SCD5: variants seen among roughly 807,000 people sequenced by gnomAD.
SCD5 encodes stearoyl-CoA desaturase 5, also known as acyl-CoA-desaturase 4.
SCD5 carries 20 observed loss-of-function variants against 30.4 expected under a neutral mutation model. The ratio of observed to expected loss-of-function variants is 0.66; its 90% CI spans 0.46 to 0.96. SCD5 has a LOEUF of 0.96. Ranked by LOEUF, SCD5 falls within the 40% of genes least tolerant of loss-of-function variation. The pLI is 0.00. For synonymous variants in SCD5, 173 were observed against 176.4 expected (o/e 0.98, Z 0.16); for missense variants, 381 against 443.3 (o/e 0.86, Z 1.26).
intron 2 of SCD5, among the ~76,000 whole-genome samples, chr4:82,695,041 C>T (rs532915075): frequency 2.3e-4 from 30 of 129,340 alleles, no homozygotes; most frequent in Non-Finnish European, 3.7e-4. Flanking sequence ...TTGCAGCAGG[C>T]GTCTGAAGTG....
intron 1 of SCD5, among the ~76,000 whole-genome samples, chr4:82,731,690 G>A (rs1331329561): frequency 1.3e-5 from 2 of 152,172 alleles, no homozygotes; most frequent in African/African-American, 4.8e-5. Flanking sequence ...TATGAGGATG[G>A]ATTCTAGAGT....
At chr4:82,770,000 T>C (rs1420013026) in intron 1 of SCD5, among the ~76,000 whole-genome samples, 1 of 152,190 alleles carries the variant, frequency 6.6e-6, no homozygotes, top group East Asian at 1.9e-4. Flanking sequence ...CCCACACCCT[T>C]TCTGTAAACT....
intron 1 of SCD5, among the ~76,000 whole-genome samples, chr4:82,741,868 G>GGCA (rs1232443320): frequency 6.6e-6 from 1 of 150,750 alleles, no homozygotes; most frequent in Non-Finnish European, 1.5e-5. Context: ...GGGGGGAGTG[G>GGCA]GCAGATAGGT....
intron 4 of SCD5, among the ~76,000 whole-genome samples, chr4:82,633,119 G>T (rs543528316): frequency 3.3e-5 from 5 of 152,248 alleles, no homozygotes; most frequent in Non-Finnish European, 7.4e-5. Context: ...CTGAAAATTT[G>T]TACCCTTTGA....
chr4:82,745,212 G>A (rs1720955170), intron 1 of SCD5, among the ~76,000 whole-genome samples: 2 of 152,128 alleles, frequency 1.3e-5, no homozygotes, highest in South Asian at 2.1e-4. Context: ...TGTCTGATCC[G>A]GTGACTACAT....
chr4:82,782,391 T>C (rs1348953203), intron 1 of SCD5, among the ~76,000 whole-genome samples: 1 of 152,070 alleles, frequency 6.6e-6, no homozygotes, highest in Non-Finnish European at 1.5e-5. Flanking sequence ...AGTGTGCTTG[T>C]CCGGTTCTGG....
intron 3 of SCD5, among the ~76,000 whole-genome samples, chr4:82,679,060 G>A (rs1449993327): frequency 3.3e-5 from 5 of 151,468 alleles, no homozygotes; most frequent in African/African-American, 7.3e-5. Context: ...TTAGCCGGGC[G>A]TGGTGGTGCA....
intron 3 of SCD5, among the ~76,000 whole-genome samples, chr4:82,677,361 G>A (rs1343034403): frequency 1.3e-5 from 2 of 152,196 alleles, no homozygotes; most frequent in African/African-American, 4.8e-5. Context: ...CCCAAATGCA[G>A]CTGGGCACCT....
Position 82,739,535 on chromosome 4 carries a change from C to G in SCD5, c.233-34122G>C, listed in dbSNP as rs116551201. On this transcript the variant is annotated intron_variant, in intron 1 of 4. Transcript: ENST00000319540. Reference sequence around the variant, plus strand: ...GGTCGTGGCTGGTAGAGCCACACTCCGCCTGCTGGTTGTGTGCGGTGGTGG... The same window carrying G: ...GGTCGTGGCTGGTAGAGCCACACTCGGCCTGCTGGTTGTGTGCGGTGGTGG... 6.6e-3 allele frequency among the ~76,000 whole-genome samples: 1,011 copies of G among 152,360 alleles called. 10 individuals are homozygous for G. Among genetic ancestry groups the G allele is most frequent in the African/African-American group, 0.023 (966 of 41,584 alleles).
At chr4:82,738,705 G>T (rs1720805856) in intron 1 of SCD5, among the ~76,000 whole-genome samples, 1 of 152,266 alleles carries the variant, frequency 6.6e-6, no homozygotes, top group Admixed American at 6.5e-5. Context: ...ATATCCAACT[G>T]GTGAGAGGGA....
intron 1 of SCD5, among the ~76,000 whole-genome samples, chr4:82,740,165 A>T (rs1426998711): frequency 1.3e-5 from 2 of 152,260 alleles, no homozygotes; most frequent in Non-Finnish European, 2.9e-5. Flanking sequence ...TTTTAAAATG[A>T]AAAACCTGAG....
chr4:82,710,041 C>G (rs1720050315), intron 1 of SCD5, among the ~76,000 whole-genome samples: 1 of 152,154 alleles, frequency 6.6e-6, no homozygotes, highest in Non-Finnish European at 1.5e-5. Flanking sequence ...GCCAGAATTC[C>G]AACACCAGAT....
intron 1 of SCD5, among the ~76,000 whole-genome samples, chr4:82,747,721 A>G (rs1721024684): frequency 6.6e-6 from 1 of 152,372 alleles, no homozygotes; most frequent in Admixed American, 6.5e-5. Context: ...CAGACCAGGC[A>G]GCCATCAATA....
Position 82,630,502 on chromosome 4 carries a change from C to G in SCD5, c.*825G>C, listed in dbSNP as rs1332203558. ...TAATTGGTAGAAAAGAAAACAAATG[C>G]TCTCCTGAACTACACTGAAAGAATA... On this transcript the variant is annotated 3_prime_UTR_variant, in exon 5 of 5. Coordinates refer to ENST00000319540, the MANE Select transcript of SCD5 (RefSeq NM_001037582.3). 1 of 152,214 alleles carries G rather than the reference C, an allele frequency of 6.6e-6. No individual in the cohort carries two copies. The highest frequency in any genetic ancestry group is 2.4e-5 in the African/African-American group (1 of 41,458). 9.4% of individuals were successfully genotyped at this position (152,214 alleles called of 1,614,324 possible).
chr4:82,688,405 C>T (rs981278565), intron 2 of SCD5, among the ~76,000 whole-genome samples: 24 of 152,144 alleles, frequency 1.6e-4, no homozygotes, highest in African/African-American at 5.6e-4. Context: ...GGTGGCTCCA[C>T]TCCTTAGAAA....
At chr4:82,719,137 C>A (rs1008814662) in intron 1 of SCD5, among the ~76,000 whole-genome samples, 2 of 151,822 alleles carry the variant, frequency 1.3e-5, no homozygotes, top group African/African-American at 2.4e-5. Context: ...ATTTTAAAAT[C>A]TCTTTTTCTG....
At chr4:82,739,742 G>C (rs1409799480) in intron 1 of SCD5, among the ~76,000 whole-genome samples, 2 of 152,362 alleles carry the variant, frequency 1.3e-5, no homozygotes, top group East Asian at 3.9e-4. Flanking sequence ...AGCTGGACAG[G>C]CTTCTGCTTA....
At chr4:82,718,042 CTGAACTGAGTAGT>C (rs1035085189) in intron 1 of SCD5, among the ~76,000 whole-genome samples, 1 of 147,546 alleles carries the variant, frequency 6.8e-6, no homozygotes, top group Non-Finnish European at 1.5e-5. Context: ...CTGTCATCAT[CTGAACTGAGTAGT>C]TATGGGTCAT....
intron 1 of SCD5, among the ~76,000 whole-genome samples, chr4:82,762,838 C>T (rs1041831429): frequency 6.6e-6 from 1 of 152,124 alleles, no homozygotes; most frequent in Non-Finnish European, 1.5e-5. Context: ...GAGGCATGAA[C>T]GTGTTGTCAG....
Sources: gnomAD v4.1 joint callset for allele counts (sites outside exome capture counted in the v4.1 genomes callset) on GRCh38, gnomAD v4.1.1 for gene constraint, MANE v1.5 for transcripts, NCBI Gene and HGNC (gene_info 2026-07-23, HGNC 2026-07-21) for gene names.